Variants in ATP2B2 observed in about 807,000 individuals in gnomAD.
ATP2B2 encodes the protein ATPase plasma membrane Ca2+ transporting 2, also known as plasma membrane calcium-transporting ATPase 2.
ATP2B2 carries 15 observed loss-of-function variants against 120.0 expected under a neutral mutation model. The observed-to-expected ratio is 0.12, with a 90% CI of 0.08 to 0.19. ATP2B2 has a LOEUF of 0.19. Among genes scored for constraint, ATP2B2 ranks in the 10% least tolerant of loss-of-function variants. ATP2B2 has a pLI of 1.00. For missense variants in ATP2B2, 1,045 were observed against 1,719.8 expected (o/e 0.61, Z 6.94); for synonymous variants, 694 against 700.3 (o/e 0.99, Z 0.14).
chr3:10,579,817 A>AAACAAAACAG (rs1271476566), intron 2 of ATP2B2, among the ~76,000 whole-genome samples: 60 of 136,594 alleles, frequency 4.4e-4, no homozygotes, highest in African/African-American at 2.1e-3. Context: ...CTTGAAAACA[A>AAACAAAACAG]AACAAAACAA....
intron 3 of ATP2B2, among the ~76,000 whole-genome samples, chr3:10,527,831 C>T (rs2067129220): frequency 6.6e-6 from 1 of 152,226 alleles, no homozygotes; most frequent in Non-Finnish European, 1.5e-5. Context: ...TGCTCGGCTC[C>T]AGCACCTACA....
At position 10,338,138 on chromosome 3, in the gene ATP2B2, G is replaced by A. The variant is rs200799589; in HGVS notation, c.3420+38C>T. The A allele has an allele frequency of 5.4e-5, 87 of 1,612,466 alleles. 1 individual carries two copies. In the Admixed American group the frequency reaches 9.3e-4, roughly 17 times the overall value. On this transcript the variant is annotated intron_variant, in intron 22 of 22. Coordinates refer to ENST00000360273, the MANE Select transcript of ATP2B2 (RefSeq NM_001001331.4). ...TCACCTCCATCCCCTGGCCCGCCCC[G>A]GCCAGGCCTGGGCCCAGCCCCCAAG...
intron 2 of ATP2B2, among the ~76,000 whole-genome samples, chr3:10,567,921 G>A (rs1405937734): frequency 6.6e-6 from 1 of 152,212 alleles, no homozygotes; most frequent in African/African-American, 2.4e-5. Context: ...GGACCATGAA[G>A]AGTGAGTAAA....
intron 2 of ATP2B2, among the ~76,000 whole-genome samples, chr3:10,549,255 C>T (rs1012828453): frequency 2.6e-5 from 4 of 152,220 alleles, no homozygotes; most frequent in African/African-American, 9.6e-5. Flanking sequence ...GCCCCCTTCC[C>T]TGTGCTGGCC....
At chr3:10,536,334 T>C (rs9811227) in intron 2 of ATP2B2, among the ~76,000 whole-genome samples, 3,310 of 119,962 alleles carry the variant, frequency 0.028, 125 homozygotes, top group African/African-American at 0.096. Flanking sequence ...TCACAGGATT[T>C]TTTTTTTTTT....
chr3:10,336,340 C>A, intron 22 of ATP2B2: 3 of 1,540,146 alleles, frequency 1.9e-6, no homozygotes, highest in Non-Finnish European at 8.8e-7. Flanking sequence ...GCGAGAAGAA[C>A]GAGCACAACG....
chr3:10,594,933 G>T (rs1394096821), intron 2 of ATP2B2, among the ~76,000 whole-genome samples: 1 of 152,202 alleles, frequency 6.6e-6, no homozygotes, highest in East Asian at 1.9e-4. Context: ...AGGTCTGCCT[G>T]ATATCAAATG....
chr3:10,356,923 G>T (rs888794341), intron 14 of ATP2B2, among the ~76,000 whole-genome samples: 9 of 152,030 alleles, frequency 5.9e-5, no homozygotes, highest in African/African-American at 2.2e-4. Context: ...TGATAGGAGT[G>T]AGGAAGCCAC....
At chr3:10,331,500 G>A (rs1330510402) in intron 22 of ATP2B2, among the ~76,000 whole-genome samples, 1 of 152,162 alleles carries the variant, frequency 6.6e-6, no homozygotes, top group South Asian at 2.1e-4. Context: ...CACACAATGA[G>A]ATGAGGCCCC....
intron 2 of ATP2B2, among the ~76,000 whole-genome samples, chr3:10,430,040 C>T (rs570990634): frequency 6.6e-5 from 10 of 152,280 alleles, no homozygotes; most frequent in Admixed American, 2.0e-4. Context: ...TTGGTTCATG[C>T]GGCTTAAGAA....
chr3:10,414,128 T>A (rs1446951371), intron 2 of ATP2B2, among the ~76,000 whole-genome samples: 1 of 152,172 alleles, frequency 6.6e-6, no homozygotes, highest in Non-Finnish European at 1.5e-5. Flanking sequence ...CCTCATAAGA[T>A]TTGGTGCAAA....
In ATP2B2 at chr3:10,338,431, C is replaced by T. The variant is rs936433938; in HGVS notation, c.3238-73G>A. 3.3e-6 allele frequency: 5 copies of T among 1,525,656 alleles called. No individual in the cohort carries two copies. The Admixed American group carries it at 5.0e-5, about 15-fold the overall frequency. The allele number at this position is 1,525,656 out of a possible 1,614,324, so 94.5% of individuals were successfully genotyped here. A position where few individuals can be genotyped will look rare whatever the true frequency, so the allele number is the denominator to read the frequency against. On this transcript the variant is annotated intron_variant, in intron 21 of 22. Coordinates refer to ENST00000360273, the MANE Select transcript of ATP2B2 (RefSeq NM_001001331.4). ...GGCCTTCTCTCCCTGACACCCGCTC[C>T]TCTACCTCCCTCCTCCTACCCGCTC...
intron 12 of ATP2B2, among the ~76,000 whole-genome samples, chr3:10,370,958 G>A (rs73129297): frequency 6.6e-6 from 1 of 152,316 alleles, no homozygotes; most frequent in East Asian, 1.9e-4. Flanking sequence ...GCTTAGCTGA[G>A]ACAGTAGGTT....
chr3:10,392,537 C>T (rs1228022782), intron 5 of ATP2B2, among the ~76,000 whole-genome samples: 1 of 152,228 alleles, frequency 6.6e-6, no homozygotes, highest in Non-Finnish European at 1.5e-5. Flanking sequence ...GTGGGCTAAA[C>T]CTCTCAAAGG....
At chr3:10,477,050 T>C (rs2065231374) in intron 1 of ATP2B2, among the ~76,000 whole-genome samples, 1 of 152,214 alleles carries the variant, frequency 6.6e-6, no homozygotes, top group Admixed American at 6.5e-5. Flanking sequence ...CAAATGCAGA[T>C]TTTGGCTTGA....
At chr3:10,598,822 A>G (rs1415865659) in intron 2 of ATP2B2, among the ~76,000 whole-genome samples, 3 of 152,268 alleles carry the variant, frequency 2.0e-5, no homozygotes, top group African/African-American at 7.2e-5. Flanking sequence ...TCCTAGAAAC[A>G]ACTGAGCAGG....
intron 1 of ATP2B2, among the ~76,000 whole-genome samples, chr3:10,502,413 G>T (rs6768397): frequency 0.053 from 7,995 of 152,264 alleles, 348 homozygotes; most frequent in African/African-American, 0.12. Flanking sequence ...GCTGGGCCCA[G>T]GGCTCTCATA....
chr3:10,564,133 T>A (rs2067959706), intron 2 of ATP2B2, among the ~76,000 whole-genome samples: 2 of 152,214 alleles, frequency 1.3e-5, no homozygotes, highest in Non-Finnish European at 2.9e-5. Context: ...AGAATCTCGA[T>A]CTTGTCAGCT....
At position 10,378,477 on chromosome 3, in the gene ATP2B2, A is replaced by G. The variant is rs559611251; in HGVS notation, c.1043-67T>C. 192 of 1,591,928 alleles carry G rather than the reference A, an allele frequency of 1.2e-4. 2 individuals are homozygous for G. In the South Asian group the frequency reaches 2.0e-3, roughly 17 times the overall value. ...TAGACACACATGCAGGTCAGCCCAC[A>G]GGGTGGAGACGCTGGCACCCACCCC... is the stretch of plus-strand genomic sequence containing the variant. On this transcript the variant is annotated intron_variant, in intron 9 of 22. Coordinates refer to ENST00000360273, the MANE Select transcript of ATP2B2 (RefSeq NM_001001331.4).
Sources: gnomAD v4.1 joint callset for allele counts (sites outside exome capture counted in the v4.1 genomes callset) on GRCh38, gnomAD v4.1.1 for gene constraint, MANE v1.5 for transcripts, NCBI Gene and HGNC (gene_info 2026-07-23, HGNC 2026-07-21) for gene names.